The following ARMCX4 variants were observed in gnomAD, a reference collection of about 807,000 sequenced individuals.
The protein encoded by ARMCX4 is armadillo repeat containing X-linked 4.
A neutral mutation model predicts 34.7 loss-of-function variants in ARMCX4; 3 were observed. The observed-to-expected ratio is 0.09, with a 90% CI of 0.04 to 0.22. ARMCX4 has a LOEUF of 0.22. Among genes scored for constraint, ARMCX4 ranks in the 10% least tolerant of loss-of-function variants. The pLI is 1.00. For synonymous variants in ARMCX4, 513 were observed against 632.8 expected (o/e 0.81, Z 2.84); for missense variants, 1,448 against 1,720.8 (o/e 0.84, Z 2.81).
chrX:101,438,720 T>C (rs1278379327), intron 2 of ARMCX4, among the ~76,000 whole-genome samples: 2 of 112,001 alleles, frequency 1.8e-5, no homozygotes, highest in Non-Finnish European at 3.8e-5. Flanking sequence ...TTTACCATTA[T>C]GTAATGGCCT....
intron 11 of ARMCX4, among the ~76,000 whole-genome samples, chrX:101,528,531 G>A (rs924288505): frequency 1.8e-5 from 2 of 111,509 alleles, no homozygotes; most frequent in Admixed American, 9.6e-5. Flanking sequence ...TAGGAAAAGA[G>A]GAAGTCAAAT....
upstream of ARMCX4, among the ~76,000 whole-genome samples, chrX:101,483,689 G>GT (rs113598665): frequency 5.6e-3 from 579 of 102,932 alleles, 1 homozygote; most frequent in African/African-American, 0.012. Flanking sequence ...AATGTTTATG[G>GT]TTTTTTTTTT....
chrX:101,433,255 T>C (rs782753676), intron 2 of ARMCX4, among the ~76,000 whole-genome samples: 170 of 107,449 alleles, frequency 1.6e-3, no homozygotes, highest in African/African-American at 5.3e-3. Context: ...TATACACACA[T>C]ATATACATAT....
rs782446830 is a variant in ARMCX4, at chrX:101,522,788, G to A, written c.*1781-8856G>A. ...CATAACCTCCTCACTCCTTTGCATC[G>A]TTATTGTCATACAAATTACATTTTT... On this transcript the variant is annotated intron_variant and NMD_transcript_variant, in intron 11 of 12. Coordinates refer to the ARMCX4 transcript ENST00000354842. 1.2e-4 allele frequency among the ~76,000 whole-genome samples: 13 copies of A among 111,871 alleles called. No homozygotes were observed. The South Asian group carries it at 4.1e-3, about 35-fold the overall frequency.
downstream of ARMCX4, among the ~76,000 whole-genome samples, chrX:101,451,712 G>C (rs1296008088): frequency 1.8e-5 from 2 of 111,923 alleles, no homozygotes; most frequent in Non-Finnish European, 3.8e-5. Context: ...TTCCCAGAGA[G>C]CATGAATGAA....
intron 2 of ARMCX4, among the ~76,000 whole-genome samples, chrX:101,443,184 G>A (rs1324423654): frequency 9.1e-6 from 1 of 109,541 alleles, no homozygotes; most frequent in Non-Finnish European, 1.9e-5. Context: ...GTATTAAAAG[G>A]TGTAGCCTTT....
chrX:101,469,216 T>C (rs1354743628), intron 4 of ARMCX4, among the ~76,000 whole-genome samples: 1 of 112,556 alleles, frequency 8.9e-6, no homozygotes, highest in Admixed American at 9.4e-5. Context: ...ACTTATCAGT[T>C]ATCCAATTGT....
exon 12 of ARMCX4, chrX:101,531,827 A>T (rs1935135321): frequency 8.9e-6 from 1 of 111,854 alleles, no homozygotes; most frequent in Non-Finnish European, 1.9e-5. Flanking sequence ...ATTACATGGG[A>T]CACCTTTCAT....
chrX:101,532,687 G>C (rs1403641250), intron 12 of ARMCX4: 1 of 111,437 alleles, frequency 9.0e-6, no homozygotes, highest in Non-Finnish European at 1.9e-5. Context: ...CCAGGTTTCT[G>C]TAAGGGGAAT....
chrX:101,523,477 T>C (rs146141084), intron 11 of ARMCX4, among the ~76,000 whole-genome samples: 2 of 112,315 alleles, frequency 1.8e-5, no homozygotes, highest in African/African-American at 6.5e-5. Context: ...AAGCACAACC[T>C]TTAACTAATA....
chrX:101,435,951 T>C (rs1206348569), intron 2 of ARMCX4, among the ~76,000 whole-genome samples: 1 of 111,606 alleles, frequency 9.0e-6, no homozygotes, highest in Non-Finnish European at 1.9e-5. Context: ...ATCAGATAGT[T>C]GTAGATATGT....
downstream of ARMCX4, among the ~76,000 whole-genome samples, chrX:101,447,001 G>C (rs1002370872): frequency 9.0e-6 from 1 of 111,593 alleles, no homozygotes; most frequent in East Asian, 2.8e-4. Flanking sequence ...GAAGGTTTCG[G>C]GTTAAAGGAT....
rs781971553 is a variant in ARMCX4, at chrX:101,490,740, G to A, written c.2151G>A (p.Gln717=). 5.0e-4 allele frequency: 577 copies of A among 1,148,547 alleles called. No individual in the cohort carries two copies. The highest frequency in any genetic ancestry group is 6.3e-4 in the Non-Finnish European group (552 of 870,825). The allele number at this position is 1,148,547 out of a possible 1,213,427, so 94.7% of individuals were successfully genotyped here. The change falls in exon 6 of 6, where the codon CAG becomes CAA. Residue 717 remains glutamine, a synonymous_variant. Coordinates refer to ENST00000423738, the MANE Select transcript of ARMCX4 (RefSeq NM_001256155.3). ...SVQPQIVANS[Q]GEVLPGAKNK... The stretch of plus-strand genomic sequence containing the variant: ...AGCCCCAGATTGTGGCCAATTCCCA[G>A]GGTGAGGTCTTGCCTGGTGCCAAGA...
intron 11 of ARMCX4, among the ~76,000 whole-genome samples, chrX:101,513,310 C>T (rs1177971657): frequency 9.0e-6 from 1 of 111,488 alleles, no homozygotes; most frequent in Non-Finnish European, 1.9e-5. Context: ...TACCTTGGCA[C>T]CCATACACAT....
intron 2 of ARMCX4, among the ~76,000 whole-genome samples, chrX:101,431,778 T>C (rs1045692488): frequency 9.9e-4 from 111 of 112,003 alleles, no homozygotes; most frequent in Admixed American, 2.0e-3. Flanking sequence ...CTCCTGACCT[T>C]GTGATCTGCC....
intron 4 of ARMCX4, among the ~76,000 whole-genome samples, chrX:101,460,268 C>G (rs1932547954): frequency 8.9e-6 from 1 of 112,038 alleles, no homozygotes; most frequent in South Asian, 3.7e-4. Context: ...CTATATCATT[C>G]TCCTAAAATG....
intron 4 of ARMCX4, among the ~76,000 whole-genome samples, chrX:101,457,344 G>A (rs1310027540): frequency 1.8e-5 from 2 of 111,847 alleles, no homozygotes; most frequent in African/African-American, 6.5e-5. Context: ...GATGTTAGTG[G>A]CCATCAATGG....
chrX:101,501,391 C>T (rs995976518), intron 7 of ARMCX4, among the ~76,000 whole-genome samples: 7 of 112,728 alleles, frequency 6.2e-5, no homozygotes, highest in East Asian at 2.8e-4. Flanking sequence ...AGCAAGCTGA[C>T]GGTAAAAGAA....
In ARMCX4 at chrX:101,490,760, C is replaced by G; in HGVS notation, c.2171C>G (p.Ala724Gly). ...ANSQGEVLPGAKNKIRGNPTT... is the reference protein window; with the variant it reads ...ANSQGEVLPGGKNKIRGNPTT... ...TCCCAGGGTGAGGTCTTGCCTGGTG[C>G]CAAGAATAAGATCAGAGGCAATCCC... Residue 724 changes from alanine (A) to glycine (G), a missense_variant, in exon 6 of 6, where the codon GCC becomes GGC. Physicochemically the swap from Ala to Gly is moderately conservative, Grantham distance 60. Around this residue, in one of 2 missense-constraint regions of ARMCX4, gnomAD observed 1,343 missense variants for 1,540.7 expected, o/e 0.87. Coordinates refer to ENST00000423738, the MANE Select transcript of ARMCX4 (RefSeq NM_001256155.3). 1 of 1,151,365 alleles carries G rather than the reference C, an allele frequency of 8.7e-7. No individual in the cohort carries two copies. The highest frequency in any genetic ancestry group is 1.1e-6 in the Non-Finnish European group (1 of 871,395). The allele number at this position is 1,151,365 out of a possible 1,213,427, so 94.9% of individuals were successfully genotyped here.
Sources: allele counts gnomAD v4.1 joint callset (sites outside exome capture counted in the v4.1 genomes callset), GRCh38; gene constraint gnomAD v4.1.1; regional missense constraint gnomAD v4.1.1; transcripts MANE v1.5; gene names NCBI Gene and HGNC (gene_info 2026-07-23, HGNC 2026-07-21).